Variants in GCH1 observed in about 807,000 individuals in gnomAD.
GCH1 encodes the protein GTP cyclohydrolase 1.
A neutral mutation model predicts 25.9 loss-of-function variants in GCH1; 5 were observed. The ratio of observed to expected loss-of-function variants is 0.19; its 90% CI spans 0.10 to 0.41. GCH1 has a LOEUF of 0.41. Ranked by LOEUF, GCH1 falls within the 10% of genes least tolerant of loss-of-function variation. GCH1 has a pLI of 1.00. For missense variants in GCH1, 261 were observed against 336.5 expected (o/e 0.78, Z 1.75); for synonymous variants, 159 against 129.6 (o/e 1.23, Z -1.54).
Position 54,843,769 on chromosome 14 carries a change from T to A in GCH1, c.*248A>T. On this transcript the variant is annotated 3_prime_UTR_variant, in exon 6 of 6. Coordinates refer to ENST00000491895, the MANE Select transcript of GCH1 (RefSeq NM_000161.3). ...CTCTGGTTATCTGGCAGTGGTTTTG[T>A]GCACGTACTTACACTATTAGCAGTT... 1 of 1,614,116 alleles carries A rather than the reference T, an allele frequency of 6.2e-7. No homozygotes were observed. Among genetic ancestry groups the A allele is most frequent in the Non-Finnish European group, 8.5e-7 (1 of 1,179,994 alleles).
At chr14:54,899,757 AAAAGGAAGCTCC>A (rs1423119363) in intron 1 of GCH1, among the ~76,000 whole-genome samples, 3 of 152,190 alleles carry the variant, frequency 2.0e-5, no homozygotes, top group African/African-American at 2.4e-5. Flanking sequence ...TCATGACTCC[AAAAGGAAGCTCC>A]AAAGGAAGCT....
At chr14:54,865,610 T>C (rs1452622269) in intron 1 of GCH1, among the ~76,000 whole-genome samples, 174 bp from the exon 2 acceptor site, 3 of 152,194 alleles carry the variant, frequency 2.0e-5, no homozygotes, top group Non-Finnish European at 4.4e-5. Flanking sequence ...TCCTTTTCTG[T>C]AAGTAACATT....
intron 1 of GCH1, among the ~76,000 whole-genome samples, chr14:54,900,201 G>GT (rs915850276): frequency 3.3e-5 from 5 of 149,272 alleles, no homozygotes; most frequent in Non-Finnish European, 7.4e-5. Context: ...GACCAGAACA[G>GT]TTTTTTTGTT....
rs751783496 is a variant in GCH1 at position 54,894,830 on chromosome 14, C to A, written c.343+7491G>T. On this transcript the variant is annotated intron_variant, in intron 1 of 5. Coordinates refer to ENST00000491895, the MANE Select transcript of GCH1 (RefSeq NM_000161.3). ...TAAGTCCTATATAAGTGTTCATTAA[C>A]AAACCAAGCACAAAAATTATTAATG... is the stretch of plus-strand genomic sequence containing the variant. Among the ~76,000 whole-genome samples, 27 of 152,108 alleles carry A rather than the reference C, an allele frequency of 1.8e-4. 1 individual carries two copies. The highest frequency in any genetic ancestry group is 9.8e-4 in the Admixed American group (15 of 15,256).
At chr14:54,865,289 T>C (rs772124932) in intron 2 of GCH1, 38 bp downstream of exon 2, 2 of 951,582 alleles carry the variant, frequency 2.1e-6, no homozygotes, top group Non-Finnish European at 3.4e-6. Flanking sequence ...ACTTTCACTA[T>C]GTTTTAAATT....
Position 54,902,407 on chromosome 14 carries a change from GGGTTCTCGCCCAGCGAGCTCA to G in GCH1, c.236_256del (p.Leu79_Asn85del). On this transcript the variant is annotated inframe_deletion, in exon 1 of 6. Transcript: ENST00000491895. ...CGTCTTGAGCAGCCCTTGCCGCTGG[GGGTTCTCGCCCAGCGAGCTCA>G]GGATGGACGAGTAGGCGGCTGCCAG... The G allele has an allele frequency of 6.2e-7, 1 of 1,613,150 alleles. No homozygotes were observed. The highest frequency in any genetic ancestry group is 8.5e-7 in the Non-Finnish European group (1 of 1,179,822).
chr14:54,853,371 TC>T (rs1227364885), intron 3 of GCH1, among the ~76,000 whole-genome samples: 1 of 152,236 alleles, frequency 6.6e-6, no homozygotes, highest in Non-Finnish European at 1.5e-5. Context: ...AGTTCCTTTT[TC>T]TTTTTCCTGC....
At chr14:54,860,623 C>A (rs2039882361) in intron 2 of GCH1, among the ~76,000 whole-genome samples, 1 of 151,028 alleles carries the variant, frequency 6.6e-6, no homozygotes, top group Admixed American at 6.6e-5. Context: ...TCACTGCAAG[C>A]TCCGCCTCCA....
At position 54,842,875 on chromosome 14, in the gene GCH1, C is replaced by A. The variant is rs10151500; in HGVS notation, c.*1142G>T. The A allele has an allele frequency of 1.4e-5, 7 of 501,018 alleles. No homozygotes were observed. Among genetic ancestry groups the A allele is most frequent in the Non-Finnish European group, 2.5e-5 (7 of 277,598 alleles). The allele number at this position is 501,018 out of a possible 1,614,324, so 31.0% of individuals were successfully genotyped here. ...TACCTATACCATCTATACGGAGTTA[C>A]AATGAGGACAAGACCCACATAGACC... On this transcript the variant is annotated 3_prime_UTR_variant, in exon 6 of 6. Transcript: ENST00000491895.
intron 1 of GCH1, among the ~76,000 whole-genome samples, chr14:54,900,425 T>A (rs1046915922): frequency 2.0e-5 from 3 of 151,672 alleles, no homozygotes; most frequent in Non-Finnish European, 4.4e-5. Context: ...TTGACCGGGC[T>A]GGTCTTGAAC....
At chr14:54,888,729 T>G (rs902889089) in intron 1 of GCH1, among the ~76,000 whole-genome samples, 7 of 151,238 alleles carry the variant, frequency 4.6e-5, no homozygotes, top group African/African-American at 1.7e-4. Context: ...TTCAGCGTGT[T>G]AGCCAAGATG....
rs143009532 is a variant in GCH1 at position 54,892,884 on chromosome 14, A to G, written c.343+9437T>C. On this transcript the variant is annotated intron_variant, in intron 1 of 5. Coordinates refer to ENST00000491895, the MANE Select transcript of GCH1 (RefSeq NM_000161.3). ...ACTTGAGGTTAGGACTTGGAGACCA[A>G]CCTGGCTAACATGGTGAAACCCTGT... Among the ~76,000 whole-genome samples, 1,435 of 150,806 alleles carry G rather than the reference A, an allele frequency of 9.5e-3. 27 individuals carry two copies. The highest frequency in any genetic ancestry group is 0.033 in the African/African-American group (1,348 of 41,072).
chr14:54,860,829 A>G (rs369216830), intron 2 of GCH1, among the ~76,000 whole-genome samples: 14 of 152,162 alleles, frequency 9.2e-5, no homozygotes, highest in African/African-American at 2.2e-4. Context: ...GTGAGCCACC[A>G]CGCCCGGCCC....
At position 54,843,801 on chromosome 14, in the gene GCH1, A is replaced by C. The variant is rs753823406; in HGVS notation, c.*216T>G. ...ACTTACACTATTAGCAGTTCACTTT[A>C]ATATTGCCACAAAAAGGTGGCAAGA... is the stretch of plus-strand genomic sequence containing the variant. On this transcript the variant is annotated 3_prime_UTR_variant, in exon 6 of 6. Coordinates refer to ENST00000491895, the MANE Select transcript of GCH1 (RefSeq NM_000161.3). The C allele has an allele frequency of 1.2e-6, 2 of 1,613,956 alleles. No individual in the cohort carries two copies. Among genetic ancestry groups the C allele is most frequent in the East Asian group, 4.5e-5 (2 of 44,886 alleles).
In GCH1 at chr14:54,842,853, C is replaced by A; in HGVS notation, c.*1164G>T. On this transcript the variant is annotated 3_prime_UTR_variant, in exon 6 of 6. Coordinates refer to ENST00000491895, the MANE Select transcript of GCH1 (RefSeq NM_000161.3). ...GCAACAGCTTCCAGGATTAAAATAC[C>A]TATACCATCTATACGGAGTTACAAT... 2.3e-6 allele frequency: 1 copy of A among 431,702 alleles called. No individual in the cohort carries two copies. Among genetic ancestry groups the A allele is most frequent in the East Asian group, 3.4e-5 (1 of 29,034 alleles). The allele number at this position is 431,702 out of a possible 1,614,324, so 26.7% of individuals were successfully genotyped here.
chr14:54,873,027 C>T (rs2140086970), intron 1 of GCH1, among the ~76,000 whole-genome samples: 1 of 152,062 alleles, frequency 6.6e-6, no homozygotes, highest in African/African-American at 2.4e-5. Context: ...CAGAACTCTC[C>T]ACCCCAAATC....
chr14:54,875,073 T>A (rs2040138253), intron 1 of GCH1, among the ~76,000 whole-genome samples: 1 of 152,112 alleles, frequency 6.6e-6, no homozygotes, highest in African/African-American at 2.4e-5. Context: ...CTTCAAACTA[T>A]ACTACAAGGC....
chr14:54,868,108 A>C (rs1429942939), intron 1 of GCH1, among the ~76,000 whole-genome samples: 1 of 152,076 alleles, frequency 6.6e-6, no homozygotes, highest in Non-Finnish European at 1.5e-5. Context: ...AAAATATCTA[A>C]ACAAGTACTC....
chr14:54,902,268 G>T, intron 1 of GCH1, 53 bp downstream of exon 1: 1 of 1,585,960 alleles, frequency 6.3e-7, no homozygotes, highest in South Asian at 1.1e-5. Flanking sequence ...CGCGTTTCCT[G>T]CAAGCACCGC....
Sources: allele counts gnomAD v4.1 joint callset (sites outside exome capture counted in the v4.1 genomes callset), GRCh38; gene constraint gnomAD v4.1.1; transcripts MANE v1.5; gene names NCBI Gene and HGNC (gene_info 2026-07-23, HGNC 2026-07-21).